The following SETBP1 variants were observed in gnomAD, a reference collection of about 807,000 sequenced individuals.
SETBP1 encodes SET-binding protein.
A neutral mutation model predicts 101.0 loss-of-function variants in SETBP1; 9 were observed. That is an observed-to-expected ratio of 0.09 (90% CI 0.05 to 0.16). The LOEUF (loss-of-function observed/expected upper bound fraction) is 0.16. SETBP1 is among the 10% of genes least tolerant of loss of function. The pLI is 1.00. For missense variants in SETBP1, 1,858 were observed against 2,033.8 expected (o/e 0.91, Z 1.66); for synonymous variants, 818 against 788.5 (o/e 1.04, Z -0.63).
intron 4 of SETBP1, among the ~76,000 whole-genome samples, chr18:44,967,381 C>G (rs1222391535): frequency 6.6e-6 from 1 of 152,220 alleles, no homozygotes; most frequent in Non-Finnish European, 1.5e-5. Flanking sequence ...ACCAATGTAT[C>G]TGCTAACCCC....
intron 3 of SETBP1, among the ~76,000 whole-genome samples, chr18:44,932,095 G>GTT (rs1473015059): frequency 2.0e-5 from 3 of 152,162 alleles, no homozygotes; most frequent in African/African-American, 7.2e-5. Flanking sequence ...TCCTTTCCAT[G>GTT]TTTAGTGCTT....
intron 2 of SETBP1, among the ~76,000 whole-genome samples, chr18:44,818,247 C>A (rs1249828875): frequency 1.3e-5 from 2 of 152,062 alleles, no homozygotes; most frequent in African/African-American, 4.8e-5. Flanking sequence ...CATGTTTTTT[C>A]ACATGCAGAA....
chr18:45,022,315 C>T (rs1434426528), intron 4 of SETBP1, among the ~76,000 whole-genome samples: 1 of 152,180 alleles, frequency 6.6e-6, no homozygotes, highest in African/African-American at 2.4e-5. Context: ...TCTTGTGTTT[C>T]CCCAAACATG....
intron 4 of SETBP1, among the ~76,000 whole-genome samples, chr18:44,962,824 C>T (rs748139783): frequency 4.6e-5 from 7 of 152,006 alleles, no homozygotes; most frequent in Non-Finnish European, 1.0e-4. Context: ...ATCTTCAGTG[C>T]GGGGGCTGGG....
At chr18:44,835,967 T>C (rs901133582) in intron 2 of SETBP1, among the ~76,000 whole-genome samples, 1 of 152,226 alleles carries the variant, frequency 6.6e-6, no homozygotes, top group African/African-American at 2.4e-5. Flanking sequence ...AATTAAGGCC[T>C]CTTTCTGCAG....
At chr18:44,709,127 TG>T (rs1568101868) in intron 2 of SETBP1, among the ~76,000 whole-genome samples, 1 of 152,188 alleles carries the variant, frequency 6.6e-6, no homozygotes, top group Admixed American at 6.5e-5. Context: ...TGGGATTCTC[TG>T]GGGGTTTAAA....
At chr18:44,936,728 A>G (rs1479383672) in intron 3 of SETBP1, among the ~76,000 whole-genome samples, 1 of 152,126 alleles carries the variant, frequency 6.6e-6, no homozygotes, top group Non-Finnish European at 1.5e-5. Flanking sequence ...AGAGCCATCC[A>G]AGGACACGCA....
chr18:44,700,058 G>A (rs1183134907), intron 1 of SETBP1, among the ~76,000 whole-genome samples: 1 of 152,152 alleles, frequency 6.6e-6, no homozygotes, highest in African/African-American at 2.4e-5. Flanking sequence ...GTGATCCAGC[G>A]TACAGCCTAA....
At chr18:45,019,444 T>G (rs1344809591) in intron 4 of SETBP1, among the ~76,000 whole-genome samples, 1 of 152,190 alleles carries the variant, frequency 6.6e-6, no homozygotes, top group Non-Finnish European at 1.5e-5. Context: ...CATTGACTCA[T>G]GTATTTATCG....
In SETBP1 at chr18:44,827,932, A is replaced by G. The variant is rs143523989; in HGVS notation, c.487-41298A>G. Among the ~76,000 whole-genome samples, 199 of 152,344 alleles carry G rather than the reference A, an allele frequency of 1.3e-3. 1 individual carries two copies. The highest frequency in any genetic ancestry group is 4.6e-3 in the African/African-American group (191 of 41,582). ...AATATGGCCAACCAGTGCCTATTCAAGCCTAGTCATGCTCAGAACCTTTTA... is the reference window on the plus strand; with the variant it reads ...AATATGGCCAACCAGTGCCTATTCAGGCCTAGTCATGCTCAGAACCTTTTA... On this transcript the variant is annotated intron_variant, in intron 2 of 5. Transcript: ENST00000649279.
intron 3 of SETBP1, among the ~76,000 whole-genome samples, chr18:44,916,354 G>A (rs112875969): frequency 1.1e-4 from 17 of 152,264 alleles, no homozygotes; most frequent in African/African-American, 3.9e-4. Flanking sequence ...GGAGTTTGTG[G>A]GACCAGGAAT....
At chr18:44,741,670 G>A (rs770327922) in intron 2 of SETBP1, among the ~76,000 whole-genome samples, 6 of 151,546 alleles carry the variant, frequency 4.0e-5, no homozygotes, top group Non-Finnish European at 5.9e-5. Flanking sequence ...GGCTGGGTGG[G>A]AGGTGTGGGG....
chr18:44,762,972 T>G (rs577467943), intron 2 of SETBP1, among the ~76,000 whole-genome samples: 1 of 152,354 alleles, frequency 6.6e-6, no homozygotes, highest in East Asian at 1.9e-4. Context: ...AAAGATTTAG[T>G]GCCTGTCATC....
At chr18:44,879,391 A>C (rs1411030370) in intron 3 of SETBP1, among the ~76,000 whole-genome samples, 1 of 152,164 alleles carries the variant, frequency 6.6e-6, no homozygotes, top group Non-Finnish European at 1.5e-5. Context: ...GATACCTACC[A>C]TGGGGTTTTG....
chr18:44,914,598 A>G (rs148215376), intron 3 of SETBP1, among the ~76,000 whole-genome samples: 4 of 152,292 alleles, frequency 2.6e-5, no homozygotes, highest in Non-Finnish European at 5.9e-5. Context: ...ATTTCATGCA[A>G]TAGTCTATGT....
Position 44,761,527 on chromosome 18 carries a change from G to T in SETBP1, c.486+59695G>T, listed in dbSNP as rs139922031. Among the ~76,000 whole-genome samples the T allele has an allele frequency of 4.9e-4, 74 of 152,328 alleles. 1 individual carries two copies. The highest frequency in any genetic ancestry group is 1.7e-3 in the African/African-American group (70 of 41,578). ...TACATGATAGATCATAGCACAGCTAGATCAGTCCATGTTGATCCTAACATT... is the reference window on the plus strand; with the variant it reads ...TACATGATAGATCATAGCACAGCTATATCAGTCCATGTTGATCCTAACATT... On this transcript the variant is annotated intron_variant, in intron 2 of 5. Coordinates refer to ENST00000649279, the MANE Select transcript of SETBP1 (RefSeq NM_015559.3).
chr18:44,882,359 A>T (rs148793556), intron 3 of SETBP1, among the ~76,000 whole-genome samples: 1 of 151,930 alleles, frequency 6.6e-6, no homozygotes. Context: ...AGTGGAAGTT[A>T]TATCTATGAC....
chr18:45,020,258 TAAAAAAAAAAAAAAA>T lies in SETBP1; in HGVS notation c.4001-18204_4001-18190del, dbSNP rs57134217. On this transcript the variant is annotated intron_variant, in intron 4 of 5. Coordinates refer to ENST00000649279, the MANE Select transcript of SETBP1 (RefSeq NM_015559.3). Reference sequence around the variant, plus strand: ...CTGGTGACAGAGCAAGACTCTGTCTTAAAAAAAAAAAAAAAAAAAAAAAAAAAAAAAAAAAAAGTG... The same window carrying T: ...CTGGTGACAGAGCAAGACTCTGTCTTAAAAAAAAAAAAAAAAAAAAAAGTG... Among the ~76,000 whole-genome samples, 131 of 53,076 alleles carry T rather than the reference TAAAAAAAAAAAAAAA, an allele frequency of 2.5e-3. 2 individuals carry two copies. The highest frequency in any genetic ancestry group is 4.9e-3 in the African/African-American group (67 of 13,584). The allele number at this position is 53,076 out of a possible 152,430, so 34.8% of individuals were successfully genotyped here.
chr18:44,925,278 C>T (rs756740835), intron 3 of SETBP1, among the ~76,000 whole-genome samples: 37 of 151,870 alleles, frequency 2.4e-4, no homozygotes, highest in Non-Finnish European at 3.2e-4. Context: ...TTCATTTCCC[C>T]GTATAAATAC....
Sources: gnomAD v4.1 joint callset for allele counts (sites outside exome capture counted in the v4.1 genomes callset) on GRCh38, gnomAD v4.1.1 for gene constraint, MANE v1.5 for transcripts, NCBI Gene and HGNC (gene_info 2026-07-23, HGNC 2026-07-21) for gene names.